AGAP1: variants seen among roughly 807,000 people sequenced by gnomAD.
AGAP1 encodes ArfGAP with GTPase domain, ankyrin repeat and PH domain 1.
AGAP1 carries 29 observed loss-of-function variants against 105.3 expected under a neutral mutation model. That is an observed-to-expected ratio of 0.28 (90% CI 0.21 to 0.38). AGAP1 has a LOEUF of 0.38. Ranked by LOEUF, AGAP1 falls within the 10% of genes least tolerant of loss-of-function variation. The pLI is 1.00. For synonymous variants in AGAP1, 509 were observed against 485.9 expected (o/e 1.05, Z -0.63); for missense variants, 998 against 1,165.1 (o/e 0.86, Z 2.09).
chr2:235,672,678 G>C (rs1009488759), intron 1 of AGAP1, among the ~76,000 whole-genome samples: 4 of 152,226 alleles, frequency 2.6e-5, no homozygotes, highest in African/African-American at 9.6e-5. Context: ...TTGCTCTGTG[G>C]ACTTGGAAGA....
intron 1 of AGAP1, among the ~76,000 whole-genome samples, chr2:235,563,238 G>C (rs1168051185): frequency 6.6e-6 from 1 of 151,924 alleles, no homozygotes; most frequent in Admixed American, 6.6e-5. Context: ...CCCCTGCCCT[G>C]GCCCACTCGG....
rs140367065 is a variant in AGAP1 at position 235,977,846 on chromosome 2, T to C, written c.1645+9223T>C. On this transcript the variant is annotated intron_variant, in intron 13 of 17. Coordinates refer to ENST00000304032, the MANE Select transcript of AGAP1 (RefSeq NM_001037131.3). The surrounding 1 kb of genome is among the most constrained non-coding windows in gnomAD (Gnocchi z 5.2). ...ATAAAATTGCACCTACCGTTTGTCT[T>C]AGCTCAGCCTGCCATATCAAAATGC... 8.3e-3 allele frequency among the ~76,000 whole-genome samples: 1,259 copies of C among 152,296 alleles called. 22 individuals carry two copies. Among genetic ancestry groups the C allele is most frequent in the African/African-American group, 0.028 (1,180 of 41,564 alleles).
chr2:235,734,717 G>A lies in AGAP1; in HGVS notation c.311-6246G>A, dbSNP rs1273499203. Among the ~76,000 whole-genome samples the A allele has an allele frequency of 1.3e-5, 2 of 152,224 alleles. No homozygotes were observed. The highest frequency in any genetic ancestry group is 4.8e-5 in the African/African-American group (2 of 41,456). On this transcript the variant is annotated intron_variant, in intron 3 of 17. Transcript: ENST00000304032. This position sits in a 1 kb window ranked among gnomAD's most constrained non-coding sequence, Gnocchi z 5.3. ...AAGGATAAGATAGTCCCGCCTCTCT[G>A]CCTGTTTGATGTTGGCCCTGTGGAT...
At chr2:235,758,304 G>C (rs1451390170) in intron 6 of AGAP1, among the ~76,000 whole-genome samples, 1 of 152,138 alleles carries the variant, frequency 6.6e-6, no homozygotes, top group African/African-American at 2.4e-5. Flanking sequence ...ATCACTTGTA[G>C]TAATGACTAA....
intron 1 of AGAP1, among the ~76,000 whole-genome samples, chr2:235,548,225 C>G (rs1051774592): frequency 6.6e-6 from 1 of 152,202 alleles, no homozygotes; most frequent in Non-Finnish European, 1.5e-5. Context: ...CTGCCCTGCA[C>G]GCCACACTGC....
Position 235,550,577 on chromosome 2 carries a change from G to T in AGAP1, c.163+55728G>T, listed in dbSNP as rs112498472. Among the ~76,000 whole-genome samples, 1 of 152,142 alleles carries T rather than the reference G, an allele frequency of 6.6e-6. No individual in the cohort carries two copies. The highest frequency in any genetic ancestry group is 1.5e-5 in the Non-Finnish European group (1 of 68,036). On this transcript the variant is annotated intron_variant, in intron 1 of 17. Coordinates refer to ENST00000304032, the MANE Select transcript of AGAP1 (RefSeq NM_001037131.3). This position sits in a 1 kb window ranked among gnomAD's most constrained non-coding sequence, Gnocchi z 4.6. ...TCAGAGTTGATGAGGGTCTGCAGGC[G>T]TCGGTCTGGGAGCCACAGACAGGTG...
intron 1 of AGAP1, among the ~76,000 whole-genome samples, chr2:235,587,110 G>T (rs749534403): frequency 3.2e-4 from 48 of 152,204 alleles, no homozygotes; most frequent in Non-Finnish European, 4.9e-4. Flanking sequence ...CATTTGTATG[G>T]AGAAGGTATT....
intron 12 of AGAP1, among the ~76,000 whole-genome samples, chr2:235,938,717 C>CG (rs2053107802): frequency 6.6e-6 from 1 of 151,990 alleles, no homozygotes; most frequent in Non-Finnish European, 1.5e-5. Flanking sequence ...AGGATCCTTT[C>CG]GGGGGCCACA....
At position 236,080,187 on chromosome 2, in the gene AGAP1, C is replaced by A. The variant is rs1266389760; in HGVS notation, c.2114+30906C>A. On this transcript the variant is annotated intron_variant, in intron 16 of 17. Coordinates refer to ENST00000304032, the MANE Select transcript of AGAP1 (RefSeq NM_001037131.3). The surrounding 1 kb of genome is among the most constrained non-coding windows in gnomAD (Gnocchi z 4.2). ...CTCTGGAGGGAGATGCTATCTCCAT[C>A]ATCCAAGGCTGTTTCCTGTGCATGT... Among the ~76,000 whole-genome samples, 1 of 152,178 alleles carries A rather than the reference C, an allele frequency of 6.6e-6. No individual in the cohort carries two copies. The highest frequency in any genetic ancestry group is 2.4e-5 in the African/African-American group (1 of 41,448).
chr2:235,531,272 C>T (rs1466871532), intron 1 of AGAP1, among the ~76,000 whole-genome samples: 4 of 152,202 alleles, frequency 2.6e-5, no homozygotes, highest in African/African-American at 4.8e-5. Context: ...CTTTTGCAGC[C>T]GGCCTCACAC....
Position 236,090,712 on chromosome 2 carries a change from G to T in AGAP1, c.2115-29480G>T, listed in dbSNP as rs1293926277. On this transcript the variant is annotated intron_variant, in intron 16 of 17. Transcript: ENST00000304032. This position sits in a 1 kb window ranked among gnomAD's most constrained non-coding sequence, Gnocchi z 4.3. ...ATCCTTCCTTGTTTTTCTTTTGTTG[G>T]TGGTGGTTGTGTTTGTTTTGTTTTT... is the stretch of plus-strand genomic sequence containing the variant. Among the ~76,000 whole-genome samples, 1 of 151,390 alleles carries T rather than the reference G, an allele frequency of 6.6e-6. No individual in the cohort carries two copies. Among genetic ancestry groups the T allele is most frequent in the African/African-American group, 2.4e-5 (1 of 40,890 alleles).
At position 236,126,699 on chromosome 2, in the gene AGAP1, C is replaced by T. The variant is rs2060008903; in HGVS notation, c.*2577C>T. The T allele has an allele frequency of 6.6e-6, 1 of 152,164 alleles. No individual in the cohort carries two copies. The highest frequency in any genetic ancestry group is 1.5e-5 in the Non-Finnish European group (1 of 68,044). 9.4% of individuals were successfully genotyped at this position (152,164 alleles called of 1,614,324 possible). ...TTCTCAGTGATGTCCATCTGCTCCA[C>T]TCCGCAGCCACTTTCTAGGGCCCAA... On this transcript the variant is annotated 3_prime_UTR_variant, in exon 18 of 18. Coordinates refer to ENST00000304032, the MANE Select transcript of AGAP1 (RefSeq NM_001037131.3).
intron 1 of AGAP1, chr2:235,524,665 C>G (rs1942762417): frequency 5.8e-6 from 1 of 172,282 alleles, no homozygotes; most frequent in African/African-American, 2.4e-5. Flanking sequence ...ACAGCTCCTG[C>G]TGCCCAGCGA....
At chr2:235,589,189 GTTTTGTTTTTTTT>G (rs1316592546) in intron 1 of AGAP1, among the ~76,000 whole-genome samples, 10 of 54,942 alleles carry the variant, frequency 1.8e-4, no homozygotes, top group Non-Finnish European at 2.6e-4. Context: ...ATAGCTTATT[GTTTTGTTTTTTTT>G]TTTTTTTTTT....
In AGAP1 at chr2:235,621,911, C is replaced by T. The variant is rs1034752146; in HGVS notation, c.164-87268C>T. Among the ~76,000 whole-genome samples the T allele has an allele frequency of 1.3e-5, 2 of 151,934 alleles. No homozygotes were observed. Among genetic ancestry groups the T allele is most frequent in the African/African-American group, 4.8e-5 (2 of 41,380 alleles). ...GGGAGTGCCGCGCAGACCCCCCCAC[C>T]CCCTCAGAACAGCGGCCACTGTGTG... On this transcript the variant is annotated intron_variant, in intron 1 of 17. Coordinates refer to ENST00000304032, the MANE Select transcript of AGAP1 (RefSeq NM_001037131.3). The surrounding 1 kb of genome is among the most constrained non-coding windows in gnomAD (Gnocchi z 4.1).
At position 235,930,952 on chromosome 2, in the gene AGAP1, G is replaced by A. The variant is rs769503088; in HGVS notation, c.1483+29G>A. 9.9e-6 allele frequency: 16 copies of A among 1,608,088 alleles called. No homozygotes were observed. The highest frequency in any genetic ancestry group is 1.7e-4 in the Middle Eastern group (1 of 6,040). ...AGAGGGGGCTCAGCCCCACGGACCC[G>A]CAGCCACCTCAAGGTCCTTCGTTGT... On this transcript the variant is annotated intron_variant, in intron 12 of 17. Transcript: ENST00000304032. The surrounding 1 kb of genome is among the most constrained non-coding windows in gnomAD (Gnocchi z 7.9).
rs1282651321 is a variant in AGAP1 at position 235,855,660 on chromosome 2, T to A, written c.1051-27685T>A. ...ACTCATCTCATTCTCTTATCTCCAC[T>A]GTGCTGGGAAGACCGAGAGGCTGAG... On this transcript the variant is annotated intron_variant, in intron 9 of 17. Coordinates refer to ENST00000304032, the MANE Select transcript of AGAP1 (RefSeq NM_001037131.3). The surrounding 1 kb of genome is among the most constrained non-coding windows in gnomAD (Gnocchi z 5.0). Among the ~76,000 whole-genome samples, 1 of 152,218 alleles carries A rather than the reference T, an allele frequency of 6.6e-6. No individual in the cohort carries two copies. The highest frequency in any genetic ancestry group is 1.9e-4 in the East Asian group (1 of 5,190).
intron 12 of AGAP1, among the ~76,000 whole-genome samples, chr2:235,944,649 G>A (rs1278426144): frequency 6.6e-6 from 1 of 152,186 alleles, no homozygotes; most frequent in African/African-American, 2.4e-5. Flanking sequence ...TACATCTGAA[G>A]TCATCTGGCT....
chr2:236,061,770 T>C lies in AGAP1; in HGVS notation c.2114+12489T>C, dbSNP rs572705321. ...CTTCTTTTGGAGACAACGAAAATGA[T>C]CTGGATTTACATAGTAGTGATGGTT... On this transcript the variant is annotated intron_variant, in intron 16 of 17. Transcript: ENST00000304032. This position sits in a 1 kb window ranked among gnomAD's most constrained non-coding sequence, Gnocchi z 4.1. 1.3e-5 allele frequency among the ~76,000 whole-genome samples: 2 copies of C among 151,812 alleles called. No homozygotes were observed. Among genetic ancestry groups the C allele is most frequent in the East Asian group, 3.9e-4 (2 of 5,154 alleles).
Sources: allele counts gnomAD v4.1 joint callset (sites outside exome capture counted in the v4.1 genomes callset), GRCh38; gene constraint gnomAD v4.1.1; non-coding constraint Gnocchi (gnomAD v3.1); transcripts MANE v1.5; gene names NCBI Gene and HGNC (gene_info 2026-07-23, HGNC 2026-07-21).